Variants in RUFY3 observed in about 807,000 individuals in gnomAD.
RUFY3 encodes the protein protein RUFY3.
RUFY3 carries 34 observed loss-of-function variants against 84.0 expected under a neutral mutation model. The observed-to-expected ratio is 0.40, with a 90% CI of 0.31 to 0.54. The LOEUF (loss-of-function observed/expected upper bound fraction) is 0.54, where lower values mean the gene tolerates loss of function less well. Ranked by LOEUF, RUFY3 falls within the 20% of genes least tolerant of loss-of-function variation. The pLI is 0.39. For synonymous variants in RUFY3, 242 were observed against 252.9 expected, an observed-to-expected ratio of 0.96 and a Z score of 0.41; for missense variants, 507 against 736.8, an observed-to-expected ratio of 0.69 and a Z score of 3.61.
At position 70,794,886 on chromosome 4, in the gene RUFY3, T is replaced by G; in HGVS notation, c.1549T>G (p.Ser517Ala). The G allele has an allele frequency of 4.4e-6, 7 of 1,592,506 alleles. No homozygotes were observed. Among genetic ancestry groups the G allele is most frequent in the Non-Finnish European group, 6.0e-6 (7 of 1,162,316 alleles). The change falls in exon 14 of 18, where the codon TCC becomes GCC. Residue 517 changes from serine (S) to alanine (A), a missense_variant. Physicochemically the swap from Ser to Ala is moderately conservative, Grantham distance 99. Around this residue, in one of 4 missense-constraint regions of RUFY3, gnomAD observed 334 missense variants for 364.1 expected, o/e 0.92. Transcript: ENST00000381006. ...AGGAAGGGGTTCCCAGAAGTCAGAA[T>G]CCAAGATGGTAATATTTGCTATTCC... ...IPGRGSQKSE[S>A]KMDGKHKMQE... is the part of the protein sequence containing the mutation.
At position 70,808,474 on chromosome 4, in the gene RUFY3, A is replaced by G. The variant is rs1733038113; in HGVS notation, c.*1815A>G. 6.6e-6 allele frequency among the ~76,000 whole-genome samples: 1 copy of G among 152,202 alleles called. No individual in the cohort carries two copies. Among genetic ancestry groups the G allele is most frequent in the South Asian group, 2.1e-4 (1 of 4,824 alleles). On this transcript the variant is annotated 3_prime_UTR_variant, in exon 18 of 18. Transcript: ENST00000381006. ...GAATTCTGGGGTGGAAATATCCTGG[A>G]ACCATGTTTTTTAATAAATTCTGTC... is the stretch of plus-strand genomic sequence containing the variant.
At chr4:70,790,480 A>G (rs575667881) in intron 12 of RUFY3, among the ~76,000 whole-genome samples, 85 of 152,242 alleles carry the variant, frequency 5.6e-4, no homozygotes, top group African/African-American at 1.9e-3. Flanking sequence ...AAATGTCCTA[A>G]TTCTTCCCAC....
Position 70,800,144 on chromosome 4 carries a change from G to A in RUFY3, c.1561G>A (p.Gly521Arg), listed in dbSNP as rs1732039083. The change falls in exon 15 of 18, where the codon GGG becomes AGG. Residue 521 changes from glycine to arginine, a missense_variant. By Grantham distance (125) the Gly-to-Arg change is moderately radical. Coordinates refer to ENST00000381006, the MANE Select transcript of RUFY3 (RefSeq NM_001037442.4). ...GSQKSESKMD[G>R]KHKMQEENVK... ...TTGGGCTGTTTTCTTTTGGCAGGATGGGAAGCACAAAATGCAAGAGGAAAA... is the reference window on the plus strand; with the variant it reads ...TTGGGCTGTTTTCTTTTGGCAGGATAGGAAGCACAAAATGCAAGAGGAAAA... 1.2e-6 allele frequency: 2 copies of A among 1,605,010 alleles called. No homozygotes were observed. Among genetic ancestry groups the A allele is most frequent in the African/African-American group, 2.7e-5 (2 of 74,356 alleles).
intron 12 of RUFY3, among the ~76,000 whole-genome samples, chr4:70,790,608 C>G (rs1356646774): frequency 6.6e-6 from 1 of 152,224 alleles, no homozygotes; most frequent in Non-Finnish European, 1.5e-5. Context: ...CCCATAGCTT[C>G]ATACTCATAT....
chr4:70,751,126 T>C (rs1723068287), intron 1 of RUFY3, among the ~76,000 whole-genome samples: 1 of 152,186 alleles, frequency 6.6e-6, no homozygotes, highest in Non-Finnish European at 1.5e-5. Context: ...GTTACATGGG[T>C]ATACTGTGTG....
In RUFY3 at chr4:70,764,534, C is replaced by T; in HGVS notation, c.530C>T (p.Ser177Leu). 1 of 1,613,538 alleles carries T rather than the reference C, an allele frequency of 6.2e-7. No homozygotes were observed. Among genetic ancestry groups the T allele is most frequent in the Non-Finnish European group, 8.5e-7 (1 of 1,179,644 alleles). The stretch of plus-strand genomic sequence containing the variant: ...TTGGCATTAATGCAAAAGAAACTTT[C>T]AGAATATATGAAAGCTTTGATCAAT... ...LRLALMQKKL[S>L]EYMKALINKK... Residue 177 changes from serine to leucine, a missense_variant, in exon 4 of 18, where the codon TCA becomes TTA. Transcript: ENST00000381006.
Position 70,800,173 on chromosome 4 carries a change from TAAACTA to T in RUFY3, c.1594_1599del (p.Leu532_Lys533del), listed in dbSNP as rs777182803. The stretch of plus-strand genomic sequence containing the variant: ...AGCACAAAATGCAAGAGGAAAATGT[TAAACTA>T]AAAAAGCCCCTGGAAGAAAGCCACA... On this transcript the variant is annotated inframe_deletion, in exon 15 of 18. Coordinates refer to ENST00000381006, the MANE Select transcript of RUFY3 (RefSeq NM_001037442.4). 3.1e-6 allele frequency: 5 copies of T among 1,607,238 alleles called. No homozygotes were observed. The highest frequency in any genetic ancestry group is 1.3e-5 in the African/African-American group (1 of 74,486).
intron 1 of RUFY3, among the ~76,000 whole-genome samples, chr4:70,711,399 C>T (rs1740984527): frequency 6.6e-6 from 1 of 152,120 alleles, no homozygotes; most frequent in South Asian, 2.1e-4. Context: ...TTTCAGAACC[C>T]CAAAAGATTG....
intron 1 of RUFY3, among the ~76,000 whole-genome samples, chr4:70,732,399 C>T (rs1405047472): frequency 6.6e-6 from 1 of 152,120 alleles, no homozygotes; most frequent in African/African-American, 2.4e-5. Context: ...TTCCCTATTA[C>T]TCCATAAAAT....
At chr4:70,787,570 G>T (rs1027353076) in intron 10 of RUFY3, among the ~76,000 whole-genome samples, 6 of 151,886 alleles carry the variant, frequency 4.0e-5, no homozygotes, top group Non-Finnish European at 7.4e-5. Context: ...CAGAATTTCA[G>T]ATTTTTTGAA....
Position 70,807,649 on chromosome 4 carries a change from G to A in RUFY3, c.*990G>A, listed in dbSNP as rs1242066584. On this transcript the variant is annotated 3_prime_UTR_variant, in exon 18 of 18. Transcript: ENST00000381006. Reference sequence around the variant, plus strand: ...CAATCTTCCCACCTTAGCCTCCCAAGTAGCTGGGACTGGCTTTTTTTTTTT... The same window carrying A: ...CAATCTTCCCACCTTAGCCTCCCAAATAGCTGGGACTGGCTTTTTTTTTTT... Among the ~76,000 whole-genome samples, 4 of 150,136 alleles carry A rather than the reference G, an allele frequency of 2.7e-5. No homozygotes were observed. The highest frequency in any genetic ancestry group is 1.3e-4 in the Admixed American group (2 of 15,076).
chr4:70,755,186 C>T (rs974113311), intron 1 of RUFY3, among the ~76,000 whole-genome samples: 4 of 152,136 alleles, frequency 2.6e-5, no homozygotes, highest in Admixed American at 6.5e-5. Flanking sequence ...TGAGCCACTG[C>T]GCCCAGCCAA....
chr4:70,792,100 A>G (rs1387080713), intron 12 of RUFY3: 3 of 985,714 alleles, frequency 3.0e-6, no homozygotes, highest in Non-Finnish European at 3.6e-6. Flanking sequence ...CAGAGAGAAC[A>G]ATTCTAATAA....
At chr4:70,763,470 T>G in intron 2 of RUFY3, 82 bp from the exon 3 acceptor site, 1 of 940,558 alleles carries the variant, frequency 1.1e-6, no homozygotes, top group Non-Finnish European at 1.6e-6. Flanking sequence ...CCTGAAAAGT[T>G]GTGTGTGTAT....
intron 10 of RUFY3, among the ~76,000 whole-genome samples, chr4:70,786,988 T>C (rs186157447): frequency 8.1e-4 from 122 of 151,512 alleles, no homozygotes; most frequent in African/African-American, 2.9e-3. Flanking sequence ...CTGGGCAACA[T>C]AGGGACACCC....
intron 1 of RUFY3, among the ~76,000 whole-genome samples, chr4:70,759,179 T>C (rs1724568683): frequency 6.6e-6 from 1 of 152,266 alleles, no homozygotes; most frequent in South Asian, 2.1e-4. Context: ...TTTCATTTTC[T>C]AATAATCACA....
rs1489231076 is a variant in RUFY3 at position 70,789,530 on chromosome 4, A to C, written c.1275A>C (p.Leu425=). ...TAGGAGTAAAACAGAAAAGTGAACTAAACAGTCGCTTGGAAGAGAAGACTA... is the reference window on the plus strand; with the variant it reads ...TAGGAGTAAAACAGAAAAGTGAACTCAACAGTCGCTTGGAAGAGAAGACTA... ...SDLGVKQKSE[L]NSRLEEKTNQ... is the part of the protein sequence containing the mutation. Residue 425 remains leucine (L), a synonymous_variant, in exon 12 of 18, where the codon CTA becomes CTC. Coordinates refer to ENST00000381006, the MANE Select transcript of RUFY3 (RefSeq NM_001037442.4). 3 of 1,612,938 alleles carry C rather than the reference A, an allele frequency of 1.9e-6. No individual in the cohort carries two copies. The highest frequency in any genetic ancestry group is 1.7e-4 in the Middle Eastern group (1 of 6,056).
At chr4:70,734,675 G>A in intron 1 of RUFY3, 1 of 505,082 alleles carries the variant, frequency 2.0e-6, no homozygotes, top group South Asian at 8.5e-5. Flanking sequence ...GTACTTGTAT[G>A]CCAGTTCCTA....
intron 15 of RUFY3, 86 bp from the exon 16 acceptor site, chr4:70,802,866 ATGTT>A (rs138591218): frequency 0.02 from 18,341 of 898,992 alleles, 282 homozygotes; most frequent in African/African-American, 0.048. Context: ...TTTGAAAAAA[ATGTT>A]TGTATTCTGA....
Sources: allele counts gnomAD v4.1 joint callset (sites outside exome capture counted in the v4.1 genomes callset), GRCh38; gene constraint gnomAD v4.1.1; regional missense constraint gnomAD v4.1.1; transcripts MANE v1.5; gene names NCBI Gene and HGNC (gene_info 2026-07-23, HGNC 2026-07-21).